The following IQCM variants were observed in gnomAD, a reference collection of about 807,000 sequenced individuals.
IQCM encodes IQ domain-containing protein M.
Under a neutral mutation model 57.6 loss-of-function variants are expected in IQCM, and 45 were observed. That is an observed-to-expected ratio of 0.78 (90% confidence interval 0.62 to 1.00). The LOEUF (loss-of-function observed/expected upper bound fraction) is 1.00, where lower values mean the gene tolerates loss of function less well. Among genes scored for constraint, IQCM ranks in the 50% least tolerant of loss-of-function variants. The pLI, the probability that IQCM is intolerant of heterozygous loss-of-function variation, is 0.00. For synonymous variants in IQCM, 148 were observed against 158.9 expected (o/e 0.93, Z 0.51); for missense variants, 468 against 511.6 (o/e 0.91, Z 0.82).
chr4:149,720,688 C>T (rs967861422), intron 5 of IQCM, among the ~76,000 whole-genome samples: 1 of 152,048 alleles, frequency 6.6e-6, no homozygotes, highest in Admixed American at 6.6e-5. Flanking sequence ...AAATTCCTGA[C>T]AAGAAATGAG....
chr4:149,472,446 A>C (rs1739673722), intron 12 of IQCM, among the ~76,000 whole-genome samples: 1 of 152,202 alleles, frequency 6.6e-6, no homozygotes, highest in South Asian at 2.1e-4. Flanking sequence ...GGAGAACTAC[A>C]AACCACTGCC....
chr4:149,395,651 T>C (rs573899650), intron 13 of IQCM, among the ~76,000 whole-genome samples: 1 of 152,026 alleles, frequency 6.6e-6, no homozygotes, highest in Non-Finnish European at 1.5e-5. Flanking sequence ...AGAAAAAGAA[T>C]GAATCTAATG....
chr4:149,759,958 A>T (rs1769341501), intron 2 of IQCM, among the ~76,000 whole-genome samples: 1 of 152,024 alleles, frequency 6.6e-6, no homozygotes, highest in Non-Finnish European at 1.5e-5. Flanking sequence ...ACAAAATCAA[A>T]ACTAGTTCTT....
chr4:149,361,867 A>G (rs1729516809), intron 13 of IQCM, among the ~76,000 whole-genome samples: 1 of 152,140 alleles, frequency 6.6e-6, no homozygotes, highest in Non-Finnish European at 1.5e-5. Flanking sequence ...CAAATCCCAG[A>G]ATGCTAAATC....
At chr4:149,784,276 C>T (rs1453824973) in intron 2 of IQCM, among the ~76,000 whole-genome samples, 1 of 152,126 alleles carries the variant, frequency 6.6e-6, no homozygotes. Flanking sequence ...CTTTATGTTG[C>T]TCCTCAAATA....
intron 13 of IQCM, among the ~76,000 whole-genome samples, chr4:149,353,951 C>T (rs1460113605): frequency 1.3e-5 from 2 of 152,120 alleles, no homozygotes; most frequent in Admixed American, 6.5e-5. Flanking sequence ...ACAAAATAAA[C>T]GGGAATGATG....
At chr4:149,676,980 C>T (rs1389805274) in intron 7 of IQCM, among the ~76,000 whole-genome samples, 3 of 151,864 alleles carry the variant, frequency 2.0e-5, no homozygotes, top group Non-Finnish European at 4.4e-5. Context: ...CTTGGGGCCA[C>T]AAAAAAGTGA....
chr4:149,774,831 A>G (rs1770929262), intron 2 of IQCM, among the ~76,000 whole-genome samples: 1 of 151,888 alleles, frequency 6.6e-6, no homozygotes, highest in African/African-American at 2.4e-5. Context: ...TGCCTTTCCC[A>G]GGAGGAAAGT....
intron 7 of IQCM, among the ~76,000 whole-genome samples, chr4:149,652,342 G>A (rs1348990542): frequency 6.6e-6 from 1 of 152,036 alleles, no homozygotes; most frequent in Non-Finnish European, 1.5e-5. Context: ...AATACCTAAT[G>A]CATGCGGGGC....
chr4:149,519,782 A>G (rs1404284730), intron 12 of IQCM, among the ~76,000 whole-genome samples: 2 of 152,024 alleles, frequency 1.3e-5, no homozygotes, highest in Admixed American at 1.3e-4. Context: ...AAGCGAGTGG[A>G]TCACGAGGTC....
chr4:149,706,786 C>A lies in IQCM; in HGVS notation c.386-20318G>T, dbSNP rs1764192267. Among the ~76,000 whole-genome samples, 5 of 151,990 alleles carry A rather than the reference C, an allele frequency of 3.3e-5. No individual in the cohort carries two copies. The South Asian group carries it at 1.0e-3, about 32-fold the overall frequency. ...GGTCTTCTCTTTTCTACTAATAAGACCTGTGACCTTGAGTGGAAATTCACT... is the reference window on the plus strand; with the variant it reads ...GGTCTTCTCTTTTCTACTAATAAGAACTGTGACCTTGAGTGGAAATTCACT... On this transcript the variant is annotated intron_variant, in intron 5 of 13. Coordinates refer to ENST00000636793, the MANE Select transcript of IQCM (RefSeq NM_001363507.2).
chr4:149,522,864 G>C (rs1348178520), intron 12 of IQCM, among the ~76,000 whole-genome samples: 1 of 152,142 alleles, frequency 6.6e-6, no homozygotes, highest in East Asian at 1.9e-4. Flanking sequence ...CACAAAATAG[G>C]TATATCCTGG....
At chr4:149,537,392 A>C (rs1048577496) in intron 12 of IQCM, among the ~76,000 whole-genome samples, 2 of 151,890 alleles carry the variant, frequency 1.3e-5, no homozygotes, top group African/African-American at 4.8e-5. Flanking sequence ...GTGAATTTGA[A>C]GGCAGATTAA....
chr4:149,371,098 A>G (rs1007739016), intron 13 of IQCM, among the ~76,000 whole-genome samples: 5 of 152,192 alleles, frequency 3.3e-5, no homozygotes, highest in African/African-American at 1.2e-4. Context: ...AGTTGTTAAG[A>G]TGAGTATATA....
chr4:149,494,417 T>C (rs188422353), intron 12 of IQCM, among the ~76,000 whole-genome samples: 4 of 152,246 alleles, frequency 2.6e-5, no homozygotes, highest in Admixed American at 6.5e-5. Flanking sequence ...GTAATTTCAA[T>C]ACACTAAAGT....
chr4:149,582,379 A>C (rs1752296529), intron 9 of IQCM, among the ~76,000 whole-genome samples: 1 of 108,348 alleles, frequency 9.2e-6, no homozygotes, highest in Non-Finnish European at 2.0e-5. Flanking sequence ...TTTAGTTGAA[A>C]TAGGCTGAGG....
At chr4:149,505,000 C>T (rs1446338914) in intron 12 of IQCM, among the ~76,000 whole-genome samples, 1 of 152,068 alleles carries the variant, frequency 6.6e-6, no homozygotes, top group Non-Finnish European at 1.5e-5. Context: ...CTGCTGGCAG[C>T]TTACCATAGA....
At chr4:149,753,433 C>T (rs2149941806) in intron 2 of IQCM, among the ~76,000 whole-genome samples, 1 of 152,052 alleles carries the variant, frequency 6.6e-6, no homozygotes. Context: ...CTTTCAAAAA[C>T]TGTATAAGCT....
At chr4:149,442,121 CT>C (rs897547683) in intron 12 of IQCM, among the ~76,000 whole-genome samples, 10 of 152,154 alleles carry the variant, frequency 6.6e-5, no homozygotes, top group African/African-American at 2.4e-4. Flanking sequence ...TTTCTAGCTG[CT>C]GCTTGATAAC....
Sources: allele counts gnomAD v4.1 joint callset (sites outside exome capture counted in the v4.1 genomes callset), GRCh38; gene constraint gnomAD v4.1.1; transcripts MANE v1.5; gene names NCBI Gene and HGNC (gene_info 2026-07-23, HGNC 2026-07-21).